Variants in MAN2B2 observed in about 807,000 individuals in gnomAD.
The protein encoded by MAN2B2 is mannosidase alpha class 2B member 2.
MAN2B2 carries 106 observed loss-of-function variants against 117.1 expected under a neutral mutation model. The ratio of observed to expected loss-of-function variants is 0.90; its 90% CI spans 0.77 to 1.06. The LOEUF (loss-of-function observed/expected upper bound fraction) is 1.06. MAN2B2 is among the 50% of genes least tolerant of loss of function. The probability of loss-of-function intolerance (pLI) is 0.00; values close to 1 mark genes in which losing one functional copy is unlikely to be tolerated. For synonymous variants in MAN2B2, 544 were observed against 595.1 expected (o/e 0.91, Z 1.25); for missense variants, 1,326 against 1,381.4 (o/e 0.96, Z 0.64).
intron 3 of MAN2B2, 23 bp downstream of exon 3, chr4:6,578,521 C>A: frequency 6.3e-7 from 1 of 1,589,186 alleles, no homozygotes; most frequent in South Asian, 1.1e-5. Context: ...TACCCTGCAC[C>A]CAGGGTCCCT....
At position 6,589,035 on chromosome 4, in the gene MAN2B2, C is replaced by T. The variant is rs758974326; in HGVS notation, c.565-10C>T. On this transcript the variant is annotated splice_polypyrimidine_tract_variant and intron_variant, in intron 4 of 18. Transcript: ENST00000285599. ...GCCCCTCCAGCCTCATTCTTCTCCT[C>T]GGTTTGCAGGGGCTGCAGTTCGTGT... 48 of 1,608,778 alleles carry T rather than the reference C, an allele frequency of 3.0e-5. No homozygotes were observed. The highest frequency in any genetic ancestry group is 1.6e-4 in the Middle Eastern group (1 of 6,074).
chr4:6,595,241 C>T (rs1046396812), intron 7 of MAN2B2, among the ~76,000 whole-genome samples: 27 of 152,192 alleles, frequency 1.8e-4, no homozygotes, highest in African/African-American at 6.5e-4. Context: ...AGCCTCTACT[C>T]GCTGCCTGTG....
Position 6,617,793 on chromosome 4 carries a change from A to G in MAN2B2, c.2814+301A>G, listed in dbSNP as rs1711964574. ...CCTCCCTGGCTCAAGTGATCCTCCC[A>G]CCTCAACCTCCCAAGTAACTGGGAT... On this transcript the variant is annotated intron_variant, in intron 17 of 18. Coordinates refer to ENST00000285599, the MANE Select transcript of MAN2B2 (RefSeq NM_015274.3). 2.4e-5 allele frequency: 7 copies of G among 292,964 alleles called. No individual in the cohort carries two copies. The South Asian group carries it at 2.8e-4, about 12-fold the overall frequency. 18.1% of individuals were successfully genotyped at this position (292,964 alleles called of 1,614,324 possible).
intron 10 of MAN2B2, among the ~76,000 whole-genome samples, chr4:6,601,569 G>GGGAGCAC (rs1727332845): frequency 6.6e-6 from 1 of 151,800 alleles, no homozygotes; most frequent in African/African-American, 2.4e-5. Context: ...GGTGGAAGCA[G>GGGAGCAC]GGAGGGCCTA....
Position 6,601,012 on chromosome 4 carries a change from G to A in MAN2B2, c.1539+256G>A, listed in dbSNP as rs546461948. On this transcript the variant is annotated intron_variant, in intron 10 of 18. Coordinates refer to ENST00000285599, the MANE Select transcript of MAN2B2 (RefSeq NM_015274.3). ...TACCTGGAGTGAGCACAGACCCCACGAGTTAGGGGCCCAAAATCTCACAAG... is the reference window on the plus strand; with the variant it reads ...TACCTGGAGTGAGCACAGACCCCACAAGTTAGGGGCCCAAAATCTCACAAG... Among the ~76,000 whole-genome samples the A allele has an allele frequency of 9.9e-4, 150 of 152,120 alleles. 2 individuals carry two copies. Among genetic ancestry groups the A allele is most frequent in the South Asian group, 8.3e-4 (4 of 4,816 alleles).
intron 16 of MAN2B2, 37 bp from the exon 17 acceptor site, chr4:6,617,343 G>A (rs753476204): frequency 1.3e-6 from 2 of 1,558,640 alleles, no homozygotes; most frequent in Non-Finnish European, 1.8e-6. Flanking sequence ...GTTGGTTGAT[G>A]AGGGTCTTCA....
intron 15 of MAN2B2, among the ~76,000 whole-genome samples, chr4:6,614,005 C>T (rs1711722495): frequency 6.6e-6 from 1 of 152,156 alleles, no homozygotes; most frequent in Non-Finnish European, 1.5e-5. Flanking sequence ...GTCCTCCCAG[C>T]TCTTAAGCTC....
chr4:6,591,427 G>GACTGAAC (rs902056736), intron 5 of MAN2B2, among the ~76,000 whole-genome samples: 1 of 152,248 alleles, frequency 6.6e-6, no homozygotes, highest in Non-Finnish European at 1.5e-5. Context: ...CTGTGGAGCG[G>GACTGAAC]ACTGAACACG....
intron 11 of MAN2B2, among the ~76,000 whole-genome samples, 154 bp from the exon 12 acceptor site, chr4:6,608,946 TGTGGGTG>T (rs1727649150): frequency 6.6e-6 from 1 of 152,140 alleles, no homozygotes; most frequent in African/African-American, 2.4e-5. Context: ...CCACACTGGC[TGTGGGTG>T]GGGTCTCAGG....
rs202049736 is a variant in MAN2B2, at chr4:6,593,293, G to A, written c.801G>A (p.Val267=). 4.3e-6 allele frequency: 7 copies of A among 1,613,950 alleles called. No homozygotes were observed. Among genetic ancestry groups the A allele is most frequent in the African/African-American group, 2.7e-5 (2 of 75,054 alleles). The change falls in exon 6 of 19, where the codon GTG becomes GTA. Residue 267 remains valine (V), a synonymous_variant. Transcript: ENST00000285599. ...ANINLYAEAL[V]ANVKQRAAWF... is the part of the protein sequence containing the mutation. ...TCAACCTCTATGCCGAGGCCCTGGT[G>A]GCCAACGTGAAGCAGAGGGCCGCCT...
chr4:6,581,010 G>T (rs984303090), intron 3 of MAN2B2, among the ~76,000 whole-genome samples: 1 of 152,190 alleles, frequency 6.6e-6, no homozygotes, highest in African/African-American at 2.4e-5. Flanking sequence ...AGCTCATGGG[G>T]CCCTCAGGGT....
In MAN2B2 at chr4:6,575,221, T is replaced by A. The variant is rs1726005792; in HGVS notation, c.11T>A (p.Leu4Gln). 1 of 1,504,134 alleles carries A rather than the reference T, an allele frequency of 6.6e-7. No individual in the cohort carries two copies. The highest frequency in any genetic ancestry group is 2.0e-5 in the Admixed American group (1 of 51,140). The allele number at this position is 1,504,134 out of a possible 1,614,324, so 93.2% of individuals were successfully genotyped here. A position where few individuals can be genotyped will look rare whatever the true frequency, so the allele number is the denominator to read the frequency against. Residue 4 changes from leucine (L) to glutamine (Q), a missense_variant, in exon 1 of 19, where the codon CTG becomes CAG. Leu to Gln is a moderately radical substitution (Grantham distance 113). Coordinates refer to ENST00000285599, the MANE Select transcript of MAN2B2 (RefSeq NM_015274.3). ...CGGCCTGCCGCAGGGATGGGGCAGCTGTGCTGGCTGCCGCTGCTGGCACCG... is the reference window on the plus strand; with the variant it reads ...CGGCCTGCCGCAGGGATGGGGCAGCAGTGCTGGCTGCCGCTGCTGGCACCG... MGQ[L>Q]CWLPLLAPLL...
Position 6,609,227 on chromosome 4 carries a change from T to A in MAN2B2, c.1935T>A (p.Pro645=). 1 of 1,614,216 alleles carries A rather than the reference T, an allele frequency of 6.2e-7. No individual in the cohort carries two copies. Among genetic ancestry groups the A allele is most frequent in the Non-Finnish European group, 8.5e-7 (1 of 1,180,044 alleles). Residue 645 remains proline, a synonymous_variant, in exon 12 of 19, where the codon CCT becomes CCA. Transcript: ENST00000285599. ...YLFTPGKAAV[P]AWEAVEMEIV... Reference sequence around the variant, plus strand: ...TCACACCGGGCAAGGCCGCGGTGCCTGCGTGGGAAGCTGTGGAAATGGAGA... The same window carrying A: ...TCACACCGGGCAAGGCCGCGGTGCCAGCGTGGGAAGCTGTGGAAATGGAGA...
intron 11 of MAN2B2, among the ~76,000 whole-genome samples, chr4:6,606,600 C>T (rs762022624): frequency 1.3e-5 from 2 of 152,228 alleles, no homozygotes; most frequent in African/African-American, 2.4e-5. Flanking sequence ...TGTCCTGTCC[C>T]GTTTGTGGCC....
rs147242306 is a variant in MAN2B2 at position 6,614,227 on chromosome 4, C to T, written c.2573C>T (p.Pro858Leu). The T allele has an allele frequency of 7.7e-5, 124 of 1,613,916 alleles. No homozygotes were observed. Among genetic ancestry groups the T allele is most frequent in the Middle Eastern group, 6.6e-4 (4 of 6,076 alleles). Residue 858 changes from proline to leucine, a missense_variant, in exon 16 of 19, where the codon CCG (proline) becomes CTG (leucine). Transcript: ENST00000285599. ...TCCATCTGCCTTGCAGGGACTGCGC[C>T]GAAGCTCCCAGGACCCCAGCAGCAA... ...VLFGDLAGTA[P>L]KLPGPQQQEA...
In MAN2B2 at chr4:6,614,263, C is replaced by T. The variant is rs150776230; in HGVS notation, c.2609C>T (p.Thr870Met). The T allele has an allele frequency of 5.0e-5, 80 of 1,614,108 alleles. No individual in the cohort carries two copies. Among genetic ancestry groups the T allele is most frequent in the Middle Eastern group, 1.7e-4 (1 of 6,056 alleles). The part of the protein sequence containing the change: ...LPGPQQQEAV[T>M]LPPNLHLQIL... Reference sequence around the variant, plus strand: ...GGACCCCAGCAGCAAGAGGCCGTGACGCTGCCCCCGAATCTTCACCTGCAG... The same window carrying T: ...GGACCCCAGCAGCAAGAGGCCGTGATGCTGCCCCCGAATCTTCACCTGCAG... The change falls in exon 16 of 19, where the codon ACG becomes ATG. Residue 870 changes from threonine (T) to methionine (M), a missense_variant. Thr to Met is a moderately conservative substitution (Grantham distance 81). Coordinates refer to ENST00000285599, the MANE Select transcript of MAN2B2 (RefSeq NM_015274.3).
At position 6,586,978 on chromosome 4, in the gene MAN2B2, G is replaced by A; in HGVS notation, c.392-18G>A. On this transcript the variant is annotated intron_variant, in intron 3 of 18. Transcript: ENST00000285599. ...GGCCCGCCCTCCAGGCACCAGCAGG[G>A]TGTTGCTGTCTTTGCAGAAGGACAC... The A allele has an allele frequency of 6.2e-7, 1 of 1,608,586 alleles. No individual in the cohort carries two copies. The highest frequency in any genetic ancestry group is 8.5e-7 in the Non-Finnish European group (1 of 1,176,638).
chr4:6,579,108 CCATCA>C (rs1726221841), intron 3 of MAN2B2, among the ~76,000 whole-genome samples: 1 of 70,856 alleles, frequency 1.4e-5, no homozygotes, highest in Non-Finnish European at 2.9e-5. Flanking sequence ...AGCACCACCA[CCATCA>C]CCATCACCAC....
chr4:6,610,784 C>T, intron 13 of MAN2B2, 96 bp from the exon 14 acceptor site: 1 of 1,006,102 alleles, frequency 9.9e-7, no homozygotes, highest in South Asian at 1.4e-5. Flanking sequence ...TGCTGCTGTG[C>T]CTATGGGGAG....
Sources: gnomAD v4.1 joint callset for allele counts (sites outside exome capture counted in the v4.1 genomes callset) on GRCh38, gnomAD v4.1.1 for gene constraint, MANE v1.5 for transcripts, NCBI Gene and HGNC (gene_info 2026-07-23, HGNC 2026-07-21) for gene names.